Variants in SH3GL2 observed in about 807,000 individuals in gnomAD.
SH3GL2 encodes endophilin-A1.
SH3GL2 carries 24 observed loss-of-function variants against 46.0 expected under a neutral mutation model. The observed-to-expected ratio is 0.52, with a 90% CI of 0.38 to 0.73. The LOEUF is 0.73. SH3GL2 is among the 30% of genes least tolerant of loss of function. The pLI is 0.00. For missense variants in SH3GL2, 413 were observed against 424.2 expected, an observed-to-expected ratio of 0.97 and a Z score of 0.23; for synonymous variants, 196 against 147.1, an observed-to-expected ratio of 1.33 and a Z score of -2.40.
At chr9:17,626,329 C>T (rs532796199) in intron 1 of SH3GL2, among the ~76,000 whole-genome samples, 15 of 152,290 alleles carry the variant, frequency 9.8e-5, no homozygotes, top group South Asian at 6.2e-4. Context: ...GGACAGGGAC[C>T]TTTGTGAGGG....
intron 1 of SH3GL2, chr9:17,735,825 G>C (rs1206941246): frequency 1.5e-6 from 1 of 667,954 alleles, no homozygotes; most frequent in African/African-American, 2.0e-5. Flanking sequence ...GGTGGTGTGG[G>C]ATTCAGGGAC....
intron 3 of SH3GL2, among the ~76,000 whole-genome samples, chr9:17,774,359 C>T (rs9407861): frequency 0.1 from 15,417 of 152,094 alleles, 871 homozygotes; most frequent in Non-Finnish European, 0.11. Flanking sequence ...ATCATTGTCT[C>T]GTTACTGATC....
chr9:17,718,415 G>A lies in SH3GL2; in HGVS notation c.46-28651G>A, dbSNP rs190197020. 7.2e-5 allele frequency among the ~76,000 whole-genome samples: 11 copies of A among 152,220 alleles called. No homozygotes were observed. In the East Asian group the frequency reaches 2.1e-3, roughly 30 times the overall value. On this transcript the variant is annotated intron_variant, in intron 1 of 8. Transcript: ENST00000380607. The stretch of plus-strand genomic sequence containing the variant: ...TGTGGCAGCATTTCTTAAAGGCCTG[G>A]AGACCGTGTTAAAAATGCAGATTCT...
At chr9:17,668,064 A>AT (rs1199859622) in intron 1 of SH3GL2, among the ~76,000 whole-genome samples, 1 of 152,070 alleles carries the variant, frequency 6.6e-6, no homozygotes, top group Non-Finnish European at 1.5e-5. Flanking sequence ...AGCTGCAAAT[A>AT]TTTTCTCCCA....
chr9:17,785,448 A>G (rs1055319891), intron 3 of SH3GL2, among the ~76,000 whole-genome samples: 1 of 152,180 alleles, frequency 6.6e-6, no homozygotes, highest in African/African-American at 2.4e-5. Context: ...TTTAAATAAA[A>G]GCCTTGTGAA....
At chr9:17,791,538 A>G (rs1824129717) in intron 7 of SH3GL2, among the ~76,000 whole-genome samples, 3 of 152,242 alleles carry the variant, frequency 2.0e-5, no homozygotes, top group African/African-American at 2.4e-5. Flanking sequence ...TTTTCTGCTT[A>G]TGAGAGATCG....
chr9:17,754,049 T>C (rs1025680898), intron 2 of SH3GL2, among the ~76,000 whole-genome samples: 5 of 152,198 alleles, frequency 3.3e-5, no homozygotes, highest in African/African-American at 1.2e-4. Flanking sequence ...TGTCTGTTTT[T>C]GTACCAGTAC....
In SH3GL2 at chr9:17,796,001, T is replaced by C. The variant is rs1387612576; in HGVS notation, c.*258T>C. On this transcript the variant is annotated 3_prime_UTR_variant, in exon 9 of 9. Coordinates refer to ENST00000380607, the MANE Select transcript of SH3GL2 (RefSeq NM_003026.5). Reference sequence around the variant, plus strand: ...AGCCAGTAGTCACAGAACTGCTGTTTACACAGTTCTCAGGAGGCTGTGGTT... The same window carrying C: ...AGCCAGTAGTCACAGAACTGCTGTTCACACAGTTCTCAGGAGGCTGTGGTT... The C allele has an allele frequency of 4.8e-5, 23 of 481,108 alleles. No individual in the cohort carries two copies. The highest frequency in any genetic ancestry group is 8.2e-5 in the Non-Finnish European group (22 of 267,162). 29.8% of individuals were successfully genotyped at this position (481,108 alleles called of 1,614,324 possible). A position where few individuals can be genotyped will look rare whatever the true frequency, so the allele number is the denominator to read the frequency against.
intron 2 of SH3GL2, among the ~76,000 whole-genome samples, chr9:17,751,487 T>C (rs933343217): frequency 6.6e-5 from 10 of 150,740 alleles, no homozygotes; most frequent in Non-Finnish European, 1.0e-4. Flanking sequence ...TGCGTGTGTG[T>C]GTGTGTGTGT....
chr9:17,605,607 C>G lies in SH3GL2; in HGVS notation c.45+26320C>G, dbSNP rs929474884. Reference sequence around the variant, plus strand: ...GCAGAGATGTTTCTCTTAGCCCAGGCAGCTCCTCAGTGTGGGGGTCTGGTG... The same window carrying G: ...GCAGAGATGTTTCTCTTAGCCCAGGGAGCTCCTCAGTGTGGGGGTCTGGTG... On this transcript the variant is annotated intron_variant, in intron 1 of 8. Coordinates refer to ENST00000380607, the MANE Select transcript of SH3GL2 (RefSeq NM_003026.5). Among the ~76,000 whole-genome samples, 6 of 152,306 alleles carry G rather than the reference C, an allele frequency of 3.9e-5. No individual in the cohort carries two copies. The East Asian group carries it at 1.2e-3, about 29-fold the overall frequency.
At chr9:17,629,206 C>T (rs369211397) in intron 1 of SH3GL2, among the ~76,000 whole-genome samples, 12 of 151,970 alleles carry the variant, frequency 7.9e-5, no homozygotes, top group African/African-American at 2.9e-4. Context: ...CCTTTGTGGC[C>T]CTCATATTGT....
At chr9:17,773,723 A>G (rs936643067) in intron 3 of SH3GL2, among the ~76,000 whole-genome samples, 9 of 152,062 alleles carry the variant, frequency 5.9e-5, no homozygotes, top group South Asian at 2.1e-4. Flanking sequence ...TGAGTTTTCA[A>G]ATCAGGAGGT....
chr9:17,766,938 T>A (rs924968707), intron 3 of SH3GL2, among the ~76,000 whole-genome samples: 1 of 152,212 alleles, frequency 6.6e-6, no homozygotes, highest in Non-Finnish European at 1.5e-5. Context: ...GGCTCTGGAT[T>A]TTTTAAAAAA....
chr9:17,633,747 T>G (rs1489940403), intron 1 of SH3GL2, among the ~76,000 whole-genome samples: 1 of 152,252 alleles, frequency 6.6e-6, no homozygotes, highest in Non-Finnish European at 1.5e-5. Context: ...CATCTGTGTA[T>G]CTTCTGAAGC....
At chr9:17,788,558 G>A (rs562471479) in intron 5 of SH3GL2, among the ~76,000 whole-genome samples, 5 of 152,018 alleles carry the variant, frequency 3.3e-5, no homozygotes, top group African/African-American at 1.2e-4. Flanking sequence ...ACTAGCTATC[G>A]GGGAAAAACA....
chr9:17,773,612 C>T (rs1478676676), intron 3 of SH3GL2, among the ~76,000 whole-genome samples: 2 of 152,054 alleles, frequency 1.3e-5, no homozygotes, highest in Non-Finnish European at 2.9e-5. Context: ...AATCATTTGA[C>T]CGTGTATGCA....
chr9:17,742,358 T>C (rs894953383), intron 1 of SH3GL2, among the ~76,000 whole-genome samples: 1 of 152,214 alleles, frequency 6.6e-6, no homozygotes, highest in Non-Finnish European at 1.5e-5. Context: ...ACAGTGGCCA[T>C]TTATTTAAGC....
At chr9:17,632,605 C>A (rs1819457185) in intron 1 of SH3GL2, among the ~76,000 whole-genome samples, 1 of 152,076 alleles carries the variant, frequency 6.6e-6, no homozygotes, top group Non-Finnish European at 1.5e-5. Context: ...ATGATTACAT[C>A]CTTTAATTAA....
At chr9:17,608,998 A>C (rs1818810837) in intron 1 of SH3GL2, among the ~76,000 whole-genome samples, 2 of 152,166 alleles carry the variant, frequency 1.3e-5, no homozygotes, top group Admixed American at 6.5e-5. Flanking sequence ...CCGCTCTTTC[A>C]CTGATCCCAG....
Sources: gnomAD v4.1 joint callset for allele counts (sites outside exome capture counted in the v4.1 genomes callset) on GRCh38, gnomAD v4.1.1 for gene constraint, MANE v1.5 for transcripts, NCBI Gene and HGNC (gene_info 2026-07-23, HGNC 2026-07-21) for gene names.